The following AK7 variants were observed in gnomAD, a reference collection of about 807,000 sequenced individuals.
AK7 encodes adenylate kinase 7.
Under a neutral mutation model 96.6 loss-of-function variants are expected in AK7, and 78 were observed. That is an observed-to-expected ratio of 0.81 (90% CI 0.67 to 0.97). The LOEUF (loss-of-function observed/expected upper bound fraction) is 0.97. AK7 is among the 50% of genes least tolerant of loss of function. AK7 has a pLI of 0.00. For missense variants in AK7, 855 were observed against 887.9 expected, an observed-to-expected ratio of 0.96 and a Z score of 0.47; for synonymous variants, 302 against 317.2, an observed-to-expected ratio of 0.95 and a Z score of 0.51.
In AK7 at chr14:96,420,931, A is replaced by T. The variant is rs1382372079; in HGVS notation, c.608A>T (p.Lys203Met). The T allele has an allele frequency of 3.8e-6, 6 of 1,592,424 alleles. No homozygotes were observed. Among genetic ancestry groups the T allele is most frequent in the Non-Finnish European group, 5.2e-6 (6 of 1,160,844 alleles). Residue 203 changes from lysine (K) to methionine (M), a missense_variant and splice_region_variant, in exon 5 of 18, where the codon AAG (lysine) becomes ATG (methionine). Physicochemically the swap from Lys to Met is moderately conservative, Grantham distance 95. Coordinates refer to ENST00000267584, the MANE Select transcript of AK7 (RefSeq NM_152327.5). The stretch of plus-strand genomic sequence containing the variant: ...AAAATGGTTCTCAAATTTGGAAAAA[A>T]GGTAAGTCTGGCATAGTGGAACATG... ...AEKMVLKFGK[K>M]ARKFAAYVVA...
intron 5 of AK7, among the ~76,000 whole-genome samples, chr14:96,436,994 A>G (rs1159001978): frequency 1.4e-5 from 2 of 145,136 alleles, no homozygotes; most frequent in Admixed American, 1.4e-4. Flanking sequence ...CAGAACTCAT[A>G]TCAATAATAA....
chr14:96,481,020 C>T (rs1386883219), intron 15 of AK7, among the ~76,000 whole-genome samples: 1 of 152,162 alleles, frequency 6.6e-6, no homozygotes, highest in Admixed American at 6.5e-5. Context: ...TTCTTTGGGC[C>T]AGTGTACTCT....
At chr14:96,397,697 C>T (rs1890159975) in intron 1 of AK7, among the ~76,000 whole-genome samples, 1 of 152,176 alleles carries the variant, frequency 6.6e-6, no homozygotes, top group African/African-American at 2.4e-5. Context: ...GCCTAGGCAA[C>T]ATAGCAAGAC....
At chr14:96,437,939 G>A in intron 6 of AK7, 24 bp downstream of exon 6, 1 of 1,602,024 alleles carries the variant, frequency 6.2e-7, no homozygotes. Flanking sequence ...TGATGACGTG[G>A]AATGTTTAAA....
At chr14:96,434,377 C>A (rs1224450339) in intron 5 of AK7, among the ~76,000 whole-genome samples, 1 of 152,146 alleles carries the variant, frequency 6.6e-6, no homozygotes, top group African/African-American at 2.4e-5. Flanking sequence ...GACTCTTGTT[C>A]TCTTCCCTTA....
At chr14:96,478,212 G>A (rs1261282319) in intron 14 of AK7, among the ~76,000 whole-genome samples, 1 of 144,638 alleles carries the variant, frequency 6.9e-6, no homozygotes, top group East Asian at 2.2e-4. Context: ...AGGAAGGAAG[G>A]AAGAGAGGGA....
chr14:96,464,403 A>G (rs1894440656), intron 12 of AK7, among the ~76,000 whole-genome samples: 1 of 151,926 alleles, frequency 6.6e-6, no homozygotes, highest in Admixed American at 6.6e-5. Context: ...CAAAAAAAAT[A>G]GCCAGGCGTG....
chr14:96,419,789 C>T (rs2369661), intron 4 of AK7, among the ~76,000 whole-genome samples: 110,701 of 133,926 alleles, frequency 0.83, 45,559 homozygotes, highest in East Asian at 0.93. Flanking sequence ...TCTTTCTTTT[C>T]TTTTTTTTTT....
chr14:96,408,568 G>A (rs1890855077), intron 3 of AK7, among the ~76,000 whole-genome samples: 1 of 152,260 alleles, frequency 6.6e-6, no homozygotes, highest in South Asian at 2.1e-4. Flanking sequence ...AAGGGATCAG[G>A]CAACTGATGA....
At chr14:96,438,197 G>A (rs1156522896) in intron 6 of AK7, among the ~76,000 whole-genome samples, 1 of 152,150 alleles carries the variant, frequency 6.6e-6, no homozygotes, top group African/African-American at 2.4e-5. Context: ...AGGTACTTGG[G>A]ATACAGTAAA....
At chr14:96,476,632 C>T (rs1233441065) in intron 14 of AK7, among the ~76,000 whole-genome samples, 1 of 152,024 alleles carries the variant, frequency 6.6e-6, no homozygotes, top group African/African-American at 2.4e-5. Context: ...TTAGCCAGTG[C>T]AAGGACAATA....
chr14:96,392,604 T>TC (rs1889817637), intron 1 of AK7, among the ~76,000 whole-genome samples: 1 of 152,178 alleles, frequency 6.6e-6, no homozygotes, highest in Non-Finnish European at 1.5e-5. Flanking sequence ...TCTTGCCCCC[T>TC]CCTAGGTTCT....
At chr14:96,471,394 C>T (rs1454913542) in intron 12 of AK7, 84 bp from the exon 13 acceptor site, 19 of 589,124 alleles carry the variant, frequency 3.2e-5, no homozygotes, top group Non-Finnish European at 1.9e-5. Context: ...GACTACACAA[C>T]AATTTTTGAG....
intron 2 of AK7, among the ~76,000 whole-genome samples, chr14:96,402,029 C>T (rs1218912683): frequency 6.6e-6 from 1 of 152,188 alleles, no homozygotes; most frequent in Non-Finnish European, 1.5e-5. Flanking sequence ...TCCTGGGCCC[C>T]AGAGTTTAGC....
chr14:96,425,011 G>C (rs558662347), intron 5 of AK7, among the ~76,000 whole-genome samples: 1 of 151,848 alleles, frequency 6.6e-6, no homozygotes, highest in Non-Finnish European at 1.5e-5. Context: ...TCAAAATTTC[G>C]TTGTAAAAAT....
At chr14:96,448,515 A>G (rs1893375729) in intron 8 of AK7, among the ~76,000 whole-genome samples, 1 of 151,638 alleles carries the variant, frequency 6.6e-6, no homozygotes, top group Non-Finnish European at 1.5e-5. Flanking sequence ...CTATAGTTCC[A>G]TGTACTTGAG....
Position 96,456,717 on chromosome 14 carries a change from T to C in AK7, c.1227+242T>C, listed in dbSNP as rs192701390. On this transcript the variant is annotated intron_variant, in intron 11 of 17. Coordinates refer to ENST00000267584, the MANE Select transcript of AK7 (RefSeq NM_152327.5). ...CGTCAGAGAGCTTCTTCACAGCCTG[T>C]TGGATGTGGCGCTTGCTGGCTTTGG... 362 of 356,804 alleles carry C rather than the reference T, an allele frequency of 1.0e-3. 1 individual carries two copies. Among genetic ancestry groups the C allele is most frequent in the African/African-American group, 7.2e-3 (346 of 47,856 alleles). 22.1% of individuals were successfully genotyped at this position (356,804 alleles called of 1,614,324 possible). A position where few individuals can be genotyped will look rare whatever the true frequency, so the allele number is the denominator to read the frequency against.
chr14:96,471,337 A>T, intron 12 of AK7, 141 bp from the exon 13 acceptor site: 1 of 377,278 alleles, frequency 2.7e-6, no homozygotes. Flanking sequence ...TCTCTTTAAA[A>T]AAAAAAAAAA....
At chr14:96,415,043 C>A (rs1039744933) in intron 4 of AK7, among the ~76,000 whole-genome samples, 9 of 151,954 alleles carry the variant, frequency 5.9e-5, no homozygotes, top group Non-Finnish European at 1.2e-4. Flanking sequence ...GTGTGAATGA[C>A]CGAACATGGC....
Sources: allele counts gnomAD v4.1 joint callset (sites outside exome capture counted in the v4.1 genomes callset), GRCh38; gene constraint gnomAD v4.1.1; transcripts MANE v1.5; gene names NCBI Gene and HGNC (gene_info 2026-07-23, HGNC 2026-07-21).